The following SDK1 variants were observed in gnomAD, a reference collection of about 807,000 sequenced individuals.
SDK1 encodes sidekick cell adhesion molecule 1.
Under a neutral mutation model 245.5 loss-of-function variants are expected in SDK1, and 157 were observed. The ratio of observed to expected loss-of-function variants is 0.64; its 90% confidence interval spans 0.56 to 0.73. The LOEUF (loss-of-function observed/expected upper bound fraction) is 0.73, where lower values mean the gene tolerates loss of function less well. SDK1 is among the 30% of genes least tolerant of loss of function. The pLI, the probability that SDK1 is intolerant of heterozygous loss-of-function variation, is 0.00. For synonymous variants in SDK1, 1,647 were observed against 1,278.5 expected (o/e 1.29, Z -6.15); for missense variants, 3,583 against 3,002.3 (o/e 1.19, Z -4.52).
At chr7:3,688,080 T>C (rs1179298543) in intron 4 of SDK1, among the ~76,000 whole-genome samples, 1 of 152,250 alleles carries the variant, frequency 6.6e-6, no homozygotes, top group Non-Finnish European at 1.5e-5. Flanking sequence ...GAAGCCAGTG[T>C]ACTAAGAGCT....
At chr7:4,018,931 A>G (rs1786650701) in intron 17 of SDK1, among the ~76,000 whole-genome samples, 1 of 152,206 alleles carries the variant, frequency 6.6e-6, no homozygotes, top group South Asian at 2.1e-4. Flanking sequence ...TCTAGCTCCA[A>G]AGGCTGGCAA....
intron 5 of SDK1, among the ~76,000 whole-genome samples, chr7:3,904,853 T>G (rs1781909099): frequency 6.6e-6 from 1 of 151,428 alleles, no homozygotes; most frequent in Admixed American, 6.6e-5. Flanking sequence ...ATTAGCCGGG[T>G]GTGGTGGTGG....
At chr7:3,807,981 C>T (rs984953699) in intron 4 of SDK1, among the ~76,000 whole-genome samples, 4 of 152,174 alleles carry the variant, frequency 2.6e-5, no homozygotes, top group Non-Finnish European at 4.4e-5. Flanking sequence ...CCCCATCTGA[C>T]CTGCGCATTG....
At chr7:3,930,722 G>A (rs1779947162) in intron 5 of SDK1, among the ~76,000 whole-genome samples, 1 of 152,292 alleles carries the variant, frequency 6.6e-6, no homozygotes, top group African/African-American at 2.4e-5. Context: ...AAAACTGGGA[G>A]GCGGAGGTTG....
chr7:3,907,194 T>C (rs1213245455), intron 5 of SDK1, among the ~76,000 whole-genome samples: 1 of 152,208 alleles, frequency 6.6e-6, no homozygotes, highest in African/African-American at 2.4e-5. Flanking sequence ...GTAGCATTAA[T>C]TACATGCACA....
intron 4 of SDK1, among the ~76,000 whole-genome samples, chr7:3,687,055 A>G (rs1357592321): frequency 3.2e-5 from 4 of 125,082 alleles, no homozygotes; most frequent in Non-Finnish European, 6.5e-5. Flanking sequence ...GATAGCATCA[A>G]AACACACACA....
At chr7:4,083,236 T>C (rs1781176321) in intron 22 of SDK1, among the ~76,000 whole-genome samples, 1 of 152,020 alleles carries the variant, frequency 6.6e-6, no homozygotes. Context: ...CCCTCAAAGG[T>C]GTCCTTGCAG....
At chr7:3,559,861 T>A (rs374100440) in intron 1 of SDK1, among the ~76,000 whole-genome samples, 30 of 152,238 alleles carry the variant, frequency 2.0e-4, no homozygotes, top group African/African-American at 7.0e-4. Context: ...GGTCTTTGTT[T>A]TGTTCACTGT....
chr7:4,266,179 G>A lies in SDK1; in HGVS notation c.*795G>A, dbSNP rs371495069. On this transcript the variant is annotated 3_prime_UTR_variant, in exon 45 of 45. Transcript: ENST00000404826. ...GAACACAGCACACGGTCAACTCCGC[G>A]GGACACGAGGACACGGGACGGCGTC... is the stretch of plus-strand genomic sequence containing the variant. 15 of 985,352 alleles carry A rather than the reference G, an allele frequency of 1.5e-5. No homozygotes were observed. The highest frequency in any genetic ancestry group is 1.4e-4 in the South Asian group (3 of 21,284). 61.0% of individuals were successfully genotyped at this position (985,352 alleles called of 1,614,324 possible).
Position 4,208,713 on chromosome 7 carries a change from A to T in SDK1, c.5401+428A>T, listed in dbSNP as rs555990209. Among the ~76,000 whole-genome samples the T allele has an allele frequency of 4.6e-5, 7 of 152,280 alleles. No homozygotes were observed. In the South Asian group the frequency reaches 1.2e-3, roughly 27 times the overall value. ...CGGGCAGTAAATCCAGGCCACAGCGACGGGAATTCCCCTGGGTCTCAGGGC... is the reference window on the plus strand; with the variant it reads ...CGGGCAGTAAATCCAGGCCACAGCGTCGGGAATTCCCCTGGGTCTCAGGGC... On this transcript the variant is annotated intron_variant, in intron 37 of 44. Coordinates refer to ENST00000404826, the MANE Select transcript of SDK1 (RefSeq NM_152744.4).
At chr7:3,739,105 T>C (rs1285073410) in intron 4 of SDK1, among the ~76,000 whole-genome samples, 1 of 152,222 alleles carries the variant, frequency 6.6e-6, no homozygotes, top group Non-Finnish European at 1.5e-5. Flanking sequence ...TTCTGAACTT[T>C]AAATAGATCA....
chr7:4,054,423 C>A (rs889476177), intron 19 of SDK1, among the ~76,000 whole-genome samples: 14 of 152,142 alleles, frequency 9.2e-5, no homozygotes, highest in Non-Finnish European at 1.5e-4. Context: ...TGGGTTTCTC[C>A]AGTTTTGTTT....
At chr7:4,236,124 C>T (rs1043545902) in intron 41 of SDK1, among the ~76,000 whole-genome samples, 5 of 152,240 alleles carry the variant, frequency 3.3e-5, no homozygotes, top group African/African-American at 1.2e-4. Context: ...CACACATCCC[C>T]TATTCGTGAG....
At chr7:3,474,234 T>C in intron 1 of SDK1, among the ~76,000 whole-genome samples, 1 of 148,012 alleles carries the variant, frequency 6.8e-6, no homozygotes, top group Non-Finnish European at 1.5e-5. Context: ...TCCCAAGTAG[T>C]GGTGGCGTGC....
chr7:3,616,642 G>C (rs1781781422), intron 1 of SDK1, among the ~76,000 whole-genome samples: 1 of 152,120 alleles, frequency 6.6e-6, no homozygotes, highest in South Asian at 2.1e-4. Context: ...ATGAATAAAT[G>C]AATAAATACT....
rs113329278 is a variant in SDK1 at position 3,581,313 on chromosome 7, A to G, written c.299-37767A>G. Among the ~76,000 whole-genome samples, 816 of 152,322 alleles carry G rather than the reference A, an allele frequency of 5.4e-3. 7 individuals are homozygous for G. Among genetic ancestry groups the G allele is most frequent in the South Asian group, 0.018 (88 of 4,824 alleles). ...AGTGCTATGAACTAAACAGATGCTA[A>G]TCACTATTATTAATTAGTGGGCAAA... is the stretch of plus-strand genomic sequence containing the variant. On this transcript the variant is annotated intron_variant, in intron 1 of 44. Coordinates refer to ENST00000404826, the MANE Select transcript of SDK1 (RefSeq NM_152744.4).
At chr7:4,182,283 C>T (rs557488245) in intron 35 of SDK1, among the ~76,000 whole-genome samples, 5 of 152,272 alleles carry the variant, frequency 3.3e-5, no homozygotes, top group Admixed American at 2.6e-4. Context: ...CCCCTCTGTG[C>T]GGTATCCTGG....
At chr7:3,662,472 T>C (rs1426913543) in intron 4 of SDK1, among the ~76,000 whole-genome samples, 4 of 152,154 alleles carry the variant, frequency 2.6e-5, no homozygotes, top group African/African-American at 9.7e-5. Context: ...TCCTAGATTC[T>C]GTTTGTCCTT....
At chr7:4,106,174 G>A (rs944778207) in intron 22 of SDK1, among the ~76,000 whole-genome samples, 2 of 152,230 alleles carry the variant, frequency 1.3e-5, no homozygotes, top group African/African-American at 4.8e-5. Context: ...TCAGAAGGCA[G>A]GTGAGGGGGT....
Sources: gnomAD v4.1 joint callset for allele counts (sites outside exome capture counted in the v4.1 genomes callset) on GRCh38, gnomAD v4.1.1 for gene constraint, MANE v1.5 for transcripts, NCBI Gene and HGNC (gene_info 2026-07-23, HGNC 2026-07-21) for gene names.